CTIF: variants seen among roughly 807,000 people sequenced by gnomAD.
CTIF encodes cap binding complex dependent translation initiation factor.
In CTIF, 21 loss-of-function variants were observed where a neutral mutation model predicts 66.0. The ratio of observed to expected loss-of-function variants is 0.32; its 90% confidence interval spans 0.23 to 0.46. CTIF has a LOEUF of 0.46. Among genes scored for constraint, CTIF ranks in the 20% least tolerant of loss-of-function variants. CTIF has a pLI of 1.00. For missense variants in CTIF, 739 were observed against 812.7 expected (o/e 0.91, Z 1.10); for synonymous variants, 345 against 326.4 (o/e 1.06, Z -0.62).
chr18:48,762,855 C>A (rs1909140672), intron 9 of CTIF, among the ~76,000 whole-genome samples: 1 of 152,242 alleles, frequency 6.6e-6, no homozygotes, highest in South Asian at 2.1e-4. Context: ...CTAAGGCCAC[C>A]TCTACATGCA....
intron 1 of CTIF, among the ~76,000 whole-genome samples, chr18:48,573,002 A>G (rs1478020386): frequency 6.6e-6 from 1 of 151,992 alleles, no homozygotes; most frequent in Non-Finnish European, 1.5e-5. Flanking sequence ...TAAAAAAACA[A>G]GCAAAAAGAA....
At chr18:48,580,199 G>A (rs1235730002) in intron 1 of CTIF, among the ~76,000 whole-genome samples, 1 of 152,210 alleles carries the variant, frequency 6.6e-6, no homozygotes, top group East Asian at 1.9e-4. Flanking sequence ...GAAAGCCAGA[G>A]TCTGTGGTTA....
chr18:48,623,292 G>C (rs945452175), intron 2 of CTIF, among the ~76,000 whole-genome samples: 3 of 152,226 alleles, frequency 2.0e-5, no homozygotes, highest in Non-Finnish European at 4.4e-5. Context: ...CTGGCAGGAT[G>C]CTGGGGCCTG....
intron 6 of CTIF, among the ~76,000 whole-genome samples, chr18:48,690,853 C>T (rs1398693353): frequency 1.3e-5 from 2 of 152,016 alleles, no homozygotes; most frequent in African/African-American, 4.8e-5. Flanking sequence ...TCTCAGAAGG[C>T]TGTAGTGAGA....
At chr18:48,713,751 C>A (rs988296874) in intron 7 of CTIF, among the ~76,000 whole-genome samples, 5 of 152,166 alleles carry the variant, frequency 3.3e-5, no homozygotes, top group Non-Finnish European at 7.4e-5. Flanking sequence ...GCCGCTGCCT[C>A]CATGTCCACA....
chr18:48,659,115 C>T (rs2091296079), intron 3 of CTIF, among the ~76,000 whole-genome samples: 1 of 151,996 alleles, frequency 6.6e-6, no homozygotes, highest in African/African-American at 2.4e-5. Context: ...TGAAAGTTTG[C>T]CTTTAGTGGT....
chr18:48,752,274 C>T (rs1217122993), intron 7 of CTIF, among the ~76,000 whole-genome samples: 2 of 152,188 alleles, frequency 1.3e-5, no homozygotes, highest in Non-Finnish European at 2.9e-5. Flanking sequence ...CTGATGCATG[C>T]TGGCCCTCTC....
chr18:48,745,016 G>C (rs2092584676), intron 7 of CTIF, among the ~76,000 whole-genome samples: 1 of 151,990 alleles, frequency 6.6e-6, no homozygotes, highest in Admixed American at 6.6e-5. Context: ...TAGAGACAGG[G>C]TTTCACCGTG....
At chr18:48,845,365 G>A (rs1162915082) in intron 10 of CTIF, among the ~76,000 whole-genome samples, 1 of 152,074 alleles carries the variant, frequency 6.6e-6, no homozygotes, top group Non-Finnish European at 1.5e-5. Flanking sequence ...CCAAATCCAG[G>A]GGACCTTGGT....
intron 10 of CTIF, among the ~76,000 whole-genome samples, chr18:48,818,211 G>T (rs1376826739): frequency 6.6e-6 from 1 of 152,238 alleles, no homozygotes; most frequent in Non-Finnish European, 1.5e-5. Context: ...CAAAGTGGAA[G>T]CTGGAAGCCG....
intron 10 of CTIF, among the ~76,000 whole-genome samples, chr18:48,835,137 G>A (rs1272843402): frequency 6.6e-6 from 1 of 152,258 alleles, no homozygotes; most frequent in Non-Finnish European, 1.5e-5. Context: ...TCAGTAAAAT[G>A]AGAAAACAGC....
At chr18:48,616,038 A>T (rs2090393656) in intron 1 of CTIF, among the ~76,000 whole-genome samples, 3 of 152,124 alleles carry the variant, frequency 2.0e-5, no homozygotes, top group Admixed American at 6.5e-5. Flanking sequence ...CAGCCCTGAG[A>T]CACTCGGGCA....
In CTIF at chr18:48,782,782, A is replaced by T. The variant is rs577144484; in HGVS notation, c.1371+21093A>T. On this transcript the variant is annotated intron_variant, in intron 9 of 11. Coordinates refer to ENST00000256413, the MANE Select transcript of CTIF (RefSeq NM_014772.3). ...GGGCTGAGTTGGCGGGGCCACACAG[A>T]CTCCTTGGCTCCTGTGCCTTATAAA... Among the ~76,000 whole-genome samples, 8 of 151,860 alleles carry T rather than the reference A, an allele frequency of 5.3e-5. No homozygotes were observed. The South Asian group carries it at 1.7e-3, about 32-fold the overall frequency.
intron 2 of CTIF, among the ~76,000 whole-genome samples, chr18:48,627,150 C>G (rs887890467): frequency 6.6e-5 from 10 of 152,304 alleles, no homozygotes; most frequent in African/African-American, 2.4e-4. Context: ...TTTTAATGAT[C>G]TCCTAGACAT....
chr18:48,819,593 T>C (rs1477370705), intron 10 of CTIF, among the ~76,000 whole-genome samples: 1 of 152,160 alleles, frequency 6.6e-6, no homozygotes, highest in African/African-American at 2.4e-5. Flanking sequence ...TGCCAGGAGA[T>C]GTGTGCAGAC....
chr18:48,838,560 C>T (rs1247709959), intron 10 of CTIF, among the ~76,000 whole-genome samples: 1 of 152,214 alleles, frequency 6.6e-6, no homozygotes, highest in Non-Finnish European at 1.5e-5. Context: ...GACAGCATGT[C>T]TGTGCTTGAG....
chr18:48,703,714 G>A (rs1236590496), intron 6 of CTIF, among the ~76,000 whole-genome samples: 2 of 152,144 alleles, frequency 1.3e-5, no homozygotes, highest in Non-Finnish European at 2.9e-5. Flanking sequence ...GCTCTGCGGG[G>A]CACTTCAAAA....
intron 1 of CTIF, among the ~76,000 whole-genome samples, chr18:48,586,724 T>G (rs776682069): frequency 5.9e-5 from 9 of 152,214 alleles, no homozygotes; most frequent in African/African-American, 1.9e-4. Context: ...TTTTGATGTA[T>G]TTATGTCTTT....
At chr18:48,835,182 A>G (rs1231952726) in intron 10 of CTIF, among the ~76,000 whole-genome samples, 1 of 152,218 alleles carries the variant, frequency 6.6e-6, no homozygotes, top group Non-Finnish European at 1.5e-5. Context: ...AGACCTGGAG[A>G]TTAAATCTGT....
Sources: gnomAD v4.1 joint callset for allele counts (sites outside exome capture counted in the v4.1 genomes callset) on GRCh38, gnomAD v4.1.1 for gene constraint, MANE v1.5 for transcripts, NCBI Gene and HGNC (gene_info 2026-07-23, HGNC 2026-07-21) for gene names.